SLC25A31: variants seen among roughly 807,000 people sequenced by gnomAD.
The protein encoded by SLC25A31 is solute carrier family 25 member 31.
A neutral mutation model predicts 36.2 loss-of-function variants in SLC25A31; 40 were observed. That is an observed-to-expected ratio of 1.10 (90% CI 0.86 to 1.44). The LOEUF (loss-of-function observed/expected upper bound fraction) is 1.44. SLC25A31 is among the 40% of genes most tolerant of loss of function. The pLI is 0.00. For synonymous variants in SLC25A31, 143 were observed against 149.7 expected (o/e 0.96, Z 0.32); for missense variants, 350 against 397.1 (o/e 0.88, Z 1.01).
At chr4:127,770,433 T>C (rs1732332493) in intron 5 of SLC25A31, among the ~76,000 whole-genome samples, 4 of 152,098 alleles carry the variant, frequency 2.6e-5, no homozygotes, top group Admixed American at 2.6e-4. Flanking sequence ...AAGACCATCC[T>C]GGCTAACACG....
chr4:127,766,147 TA>T (rs1284607344), intron 3 of SLC25A31, among the ~76,000 whole-genome samples: 13 of 92,274 alleles, frequency 1.4e-4, no homozygotes, highest in Middle Eastern at 8.8e-3. Context: ...GGAGTTTTTT[TA>T]TTTGTTTTTT....
intron 5 of SLC25A31, among the ~76,000 whole-genome samples, chr4:127,770,949 CTTTTTTTTTTT>C (rs558206857): frequency 1.2e-5 from 1 of 80,812 alleles, no homozygotes; most frequent in East Asian, 3.5e-4. Flanking sequence ...TCTTCTTCTT[CTTTTTTTTTTT>C]TTTTTTTTTT....
intron 1 of SLC25A31, among the ~76,000 whole-genome samples, chr4:127,740,864 A>T (rs1161205314): frequency 6.6e-6 from 1 of 152,138 alleles, no homozygotes. Context: ...CAGAAAGGGT[A>T]GGGTGGCTCA....
intron 2 of SLC25A31, among the ~76,000 whole-genome samples, chr4:127,760,718 C>T (rs1732110140): frequency 6.6e-6 from 1 of 152,204 alleles, no homozygotes; most frequent in African/African-American, 2.4e-5. Context: ...CTTCTCCCTT[C>T]CTGATTCTTC....
In SLC25A31 at chr4:127,773,613, T is replaced by C; in HGVS notation, c.*39T>C. ...TTAAGAAATACATGGATTTAACTTG[T>C]TAAACATACAAATTACATAGCTGCC... On this transcript the variant is annotated 3_prime_UTR_variant, in exon 6 of 6. Coordinates refer to ENST00000281154, the MANE Select transcript of SLC25A31 (RefSeq NM_031291.4). 6.9e-7 allele frequency: 1 copy of C among 1,459,538 alleles called. No homozygotes were observed. The highest frequency in any genetic ancestry group is 9.1e-7 in the Non-Finnish European group (1 of 1,093,798). 90.4% of individuals were successfully genotyped at this position (1,459,538 alleles called of 1,614,324 possible).
chr4:127,768,698 A>G (rs1732292535), intron 4 of SLC25A31, 54 bp from the exon 5 acceptor site: 2 of 1,452,886 alleles, frequency 1.4e-6, no homozygotes, highest in Non-Finnish European at 1.8e-6. Flanking sequence ...TAACTTAAGA[A>G]TTTAAGATAT....
chr4:127,769,640 A>T (rs1732313053), intron 5 of SLC25A31, among the ~76,000 whole-genome samples: 1 of 152,232 alleles, frequency 6.6e-6, no homozygotes, highest in Non-Finnish European at 1.5e-5. Context: ...TGGTGACAGA[A>T]AAAGACAAAA....
At chr4:127,743,829 C>CT (rs1209456626) in intron 1 of SLC25A31, among the ~76,000 whole-genome samples, 1 of 152,168 alleles carries the variant, frequency 6.6e-6, no homozygotes, top group Non-Finnish European at 1.5e-5. Flanking sequence ...GCGCAGTTAA[C>CT]TGAGATTATT....
At chr4:127,767,515 T>C (rs1194820093) in intron 4 of SLC25A31, among the ~76,000 whole-genome samples, 1 of 152,158 alleles carries the variant, frequency 6.6e-6, no homozygotes, top group Non-Finnish European at 1.5e-5. Flanking sequence ...AATCAAATCA[T>C]TGGTATATGG....
At chr4:127,736,780 T>C (rs1257240511) in intron 1 of SLC25A31, among the ~76,000 whole-genome samples, 2 of 152,218 alleles carry the variant, frequency 1.3e-5, no homozygotes, top group Admixed American at 6.5e-5. Context: ...TACACCATAG[T>C]TAGTGCTCAA....
chr4:127,769,025 T>C, intron 5 of SLC25A31, 148 bp downstream of exon 5: 1 of 692,484 alleles, frequency 1.4e-6, no homozygotes, highest in Non-Finnish European at 2.1e-6. Flanking sequence ...TTCTGTCTTA[T>C]ATTCTTTCCT....
At chr4:127,745,764 T>C (rs1427575517) in intron 2 of SLC25A31, among the ~76,000 whole-genome samples, 1 of 152,184 alleles carries the variant, frequency 6.6e-6, no homozygotes, top group African/African-American at 2.4e-5. Context: ...AGACTTAGAA[T>C]TGGAAGGTTT....
At chr4:127,751,692 C>G (rs1461894385) in intron 2 of SLC25A31, among the ~76,000 whole-genome samples, 2 of 152,170 alleles carry the variant, frequency 1.3e-5, no homozygotes, top group African/African-American at 4.8e-5. Context: ...GGGCTAATAT[C>G]CAGAATCTAC....
intron 1 of SLC25A31, among the ~76,000 whole-genome samples, chr4:127,735,884 AT>A (rs1168050637): frequency 2.3e-4 from 15 of 64,050 alleles, no homozygotes; most frequent in East Asian, 9.0e-4. Context: ...TTATTTATTT[AT>A]TTATTTATTT....
chr4:127,747,801 C>T (rs1183320793), intron 2 of SLC25A31, among the ~76,000 whole-genome samples: 4 of 152,136 alleles, frequency 2.6e-5, no homozygotes, highest in Non-Finnish European at 5.9e-5. Context: ...GTCTCCAAAA[C>T]TATCCTCAGG....
intron 2 of SLC25A31, among the ~76,000 whole-genome samples, chr4:127,757,497 G>A (rs975943021): frequency 2.6e-5 from 4 of 152,088 alleles, no homozygotes; most frequent in East Asian, 1.9e-4. Flanking sequence ...ATGGTATTCC[G>A]TGGTGTATAT....
Position 127,773,519 on chromosome 4 carries a change from T to C in SLC25A31, c.893T>C (p.Leu298Ser), listed in dbSNP as rs372529015. The C allele has an allele frequency of 6.2e-7, 1 of 1,605,638 alleles. No individual in the cohort carries two copies. The highest frequency in any genetic ancestry group is 8.5e-7 in the Non-Finnish European group (1 of 1,177,912). Residue 298 changes from leucine to serine, a missense_variant, in exon 6 of 6, where the codon TTG (leucine) becomes TCG (serine). Physicochemically the swap from Leu to Ser is moderately radical, Grantham distance 145. Transcript: ENST00000281154. ...CGCGGTACAGGGGGTGCTTTGGTGT[T>C]GGTATTATATGATAAAATTAAAGAA... ...VLRGTGGALVLVLYDKIKEFF... is the reference protein window; with the variant it reads ...VLRGTGGALVSVLYDKIKEFF...
intron 1 of SLC25A31, among the ~76,000 whole-genome samples, chr4:127,744,450 T>C (rs758603772): frequency 7.2e-5 from 11 of 152,216 alleles, no homozygotes; most frequent in Non-Finnish European, 1.6e-4. Context: ...GTTTTAGGTA[T>C]TCAAAGCTCT....
At chr4:127,747,507 C>G (rs1731846731) in intron 2 of SLC25A31, among the ~76,000 whole-genome samples, 1 of 152,162 alleles carries the variant, frequency 6.6e-6, no homozygotes, top group Non-Finnish European at 1.5e-5. Context: ...TTTCACTTCC[C>G]TGATTAGCTG....
Sources: allele counts gnomAD v4.1 joint callset (sites outside exome capture counted in the v4.1 genomes callset), GRCh38; gene constraint gnomAD v4.1.1; transcripts MANE v1.5; gene names NCBI Gene and HGNC (gene_info 2026-07-23, HGNC 2026-07-21).